Variants in SDE2 observed in about 807,000 individuals in gnomAD.
SDE2 encodes spliceosome associated SDE2.
A neutral mutation model predicts 46.9 loss-of-function variants in SDE2; 31 were observed. That is an observed-to-expected ratio of 0.66 (90% CI 0.50 to 0.89). The LOEUF (loss-of-function observed/expected upper bound fraction) is 0.89. Among genes scored for constraint, SDE2 ranks in the 40% least tolerant of loss-of-function variants. SDE2 has a pLI of 0.00. For missense variants in SDE2, 542 were observed against 564.4 expected (o/e 0.96, Z 0.40); for synonymous variants, 205 against 204.3 (o/e 1.00, Z -0.03).
At position 225,995,443 on chromosome 1, in the gene SDE2, A is replaced by G. The variant is rs192966673; in HGVS notation, c.121-60T>C. On this transcript the variant is annotated intron_variant, in intron 1 of 6. Coordinates refer to ENST00000272091, the MANE Select transcript of SDE2 (RefSeq NM_152608.4). ...GAGATAATAATCTAAGTTTGTTACAAGAAGGGACCTAGCTGTCTTTTTATT... is the reference window on the plus strand; with the variant it reads ...GAGATAATAATCTAAGTTTGTTACAGGAAGGGACCTAGCTGTCTTTTTATT... 96 of 854,782 alleles carry G rather than the reference A, an allele frequency of 1.1e-4. No individual in the cohort carries two copies. In the Admixed American group the frequency reaches 1.7e-3, roughly 15 times the overall value. 52.9% of individuals were successfully genotyped at this position (854,782 alleles called of 1,614,324 possible). A position where few individuals can be genotyped will look rare whatever the true frequency, so the allele number is the denominator to read the frequency against.
intron 5 of SDE2, among the ~76,000 whole-genome samples, chr1:225,990,365 G>A (rs1340093446): frequency 6.6e-6 from 1 of 152,148 alleles, no homozygotes; most frequent in South Asian, 2.1e-4. Flanking sequence ...GTGACCAATG[G>A]TTGCCAGGGT....
chr1:225,987,555 T>C (rs943087103), intron 6 of SDE2, among the ~76,000 whole-genome samples: 3 of 152,194 alleles, frequency 2.0e-5, no homozygotes, highest in African/African-American at 7.2e-5. Context: ...CCATCTATCA[T>C]AATATACCCT....
intron 6 of SDE2, among the ~76,000 whole-genome samples, chr1:225,986,573 T>C (rs1451402976): frequency 2.0e-5 from 3 of 152,220 alleles, no homozygotes; most frequent in African/African-American, 7.2e-5. Context: ...AAAATGCCAC[T>C]TATGTGTGTT....
chr1:225,988,177 G>A lies in SDE2; in HGVS notation c.853C>T (p.Pro285Ser). 1 of 1,614,130 alleles carries A rather than the reference G, an allele frequency of 6.2e-7. No homozygotes were observed. The highest frequency in any genetic ancestry group is 8.5e-7 in the Non-Finnish European group (1 of 1,180,030). The change falls in exon 6 of 7, where the codon CCG becomes TCG. Residue 285 changes from proline (P) to serine (S), a missense_variant. Pro to Ser is a moderately conservative substitution (Grantham distance 74). This residue lies in a region of SDE2 where 401 missense variants were observed against 437.8 expected (regional missense o/e 0.92). Coordinates refer to ENST00000272091, the MANE Select transcript of SDE2 (RefSeq NM_152608.4). ...ATATGCCTCCCAGAGTCAGTCACCG[G>A]GATCTGCAGTTGTTCTGGTGATCCA... ...DHGSPEQLQI[P>S]VTDSGRHILE... is the part of the protein sequence containing the mutation.
intron 5 of SDE2, among the ~76,000 whole-genome samples, chr1:225,990,770 C>A (rs774777703): frequency 2.0e-4 from 31 of 151,998 alleles, no homozygotes; most frequent in Non-Finnish European, 3.5e-4. Context: ...AACAAGAGGA[C>A]CAACTAGAGG....
chr1:225,996,769 A>G (rs1656537325), intron 1 of SDE2, among the ~76,000 whole-genome samples: 1 of 152,194 alleles, frequency 6.6e-6, no homozygotes. Flanking sequence ...GTTGAGGTGA[A>G]ATTTACATCA....
At chr1:225,991,927 A>G (rs1656409259) in intron 4 of SDE2, among the ~76,000 whole-genome samples, 1 of 152,232 alleles carries the variant, frequency 6.6e-6, no homozygotes. Flanking sequence ...AAATATGCCA[A>G]ATGTTGGCTG....
rs554873808 is a variant in SDE2, at chr1:225,984,150, G to C, written c.*1152C>G. 2.0e-5 allele frequency: 3 copies of C among 152,170 alleles called. No homozygotes were observed. The highest frequency in any genetic ancestry group is 7.2e-5 in the African/African-American group (3 of 41,410). 9.4% of individuals were successfully genotyped at this position (152,170 alleles called of 1,614,324 possible). ...TAATCCCAGCTACTGAGGAGGCTGA[G>C]GCAGGAGAATCGCTTGAACCCAGGA... On this transcript the variant is annotated 3_prime_UTR_variant, in exon 7 of 7. Coordinates refer to ENST00000272091, the MANE Select transcript of SDE2 (RefSeq NM_152608.4).
intron 1 of SDE2, 121 bp downstream of exon 1, chr1:225,999,072 G>A (rs1454915528): frequency 4.0e-6 from 3 of 750,652 alleles, no homozygotes; most frequent in Middle Eastern, 2.5e-4. Flanking sequence ...GGAACTCTCA[G>A]CCTCAACGAG....
At chr1:225,997,027 T>G (rs567755718) in intron 1 of SDE2, among the ~76,000 whole-genome samples, 1 of 152,224 alleles carries the variant, frequency 6.6e-6, no homozygotes, top group Non-Finnish European at 1.5e-5. Context: ...TTCTTATATA[T>G]TCTATGGTTT....
rs753786290 is a variant in SDE2 at position 225,991,274 on chromosome 1, C to T, written c.610G>A (p.Gly204Arg). 4 of 1,613,880 alleles carry T rather than the reference C, an allele frequency of 2.5e-6. No individual in the cohort carries two copies. The South Asian group carries it at 4.4e-5, about 18-fold the overall frequency. Residue 204 changes from glycine (G) to arginine (R), a missense_variant, in exon 5 of 7, where the codon GGA becomes AGA. Gly to Arg is a moderately radical substitution (Grantham distance 125). Around this residue, in one of 3 missense-constraint regions of SDE2, gnomAD observed 401 missense variants for 437.8 expected, o/e 0.92. Coordinates refer to ENST00000272091, the MANE Select transcript of SDE2 (RefSeq NM_152608.4). ...QWPTKSQTDR[G>R]ASAGKRRCFW... ...CATCTCCTCTTTCCCGCACTGGCTC[C>T]TCTGTCTGTTTGAGATTTAGTAGGC...
At chr1:225,985,763 CCAAA>C (rs778784555) in intron 6 of SDE2, among the ~76,000 whole-genome samples, 10 of 152,070 alleles carry the variant, frequency 6.6e-5, no homozygotes, top group African/African-American at 1.9e-4. Flanking sequence ...TATAGCATTC[CCAAA>C]CAGATTTTTA....
intron 4 of SDE2, 73 bp downstream of exon 4, chr1:225,992,325 C>A: frequency 9.7e-7 from 1 of 1,035,340 alleles, no homozygotes; most frequent in Non-Finnish European, 1.4e-6. Flanking sequence ...GCTCTTTGTG[C>A]GTAGTGTAGA....
At chr1:225,993,115 CTTTTTT>C in intron 2 of SDE2, 113 bp from the exon 3 acceptor site, 5 of 251,034 alleles carry the variant, frequency 2.0e-5, no homozygotes, top group South Asian at 6.6e-5. Context: ...TACTTTCTTT[CTTTTTT>C]TTTTTTTTTA....
chr1:225,992,455 C>A lies in SDE2; in HGVS notation c.463G>T (p.Asp155Tyr). 5 of 1,613,682 alleles carry A rather than the reference C, an allele frequency of 3.1e-6. No individual in the cohort carries two copies. The highest frequency in any genetic ancestry group is 3.4e-6 in the Non-Finnish European group (4 of 1,179,898). ...VEPKHCFTSP[D>Y]YQQQCHEMAE... Reference sequence around the variant, plus strand: ...ATCTCATGGCACTGCTGCTGGTAGTCGGGGCTGGTGAAGCAGTGCTTGGGT... The same window carrying A: ...ATCTCATGGCACTGCTGCTGGTAGTAGGGGCTGGTGAAGCAGTGCTTGGGT... Residue 155 changes from aspartate to tyrosine, a missense_variant, in exon 4 of 7, where the codon GAC becomes TAC. By Grantham distance (160) the Asp-to-Tyr change is radical. This residue lies in a region of SDE2 where 401 missense variants were observed against 437.8 expected (regional missense o/e 0.92). Coordinates refer to ENST00000272091, the MANE Select transcript of SDE2 (RefSeq NM_152608.4).
chr1:225,997,216 G>A (rs1214189453), intron 1 of SDE2, among the ~76,000 whole-genome samples: 2 of 152,084 alleles, frequency 1.3e-5, no homozygotes, highest in African/African-American at 4.8e-5. Flanking sequence ...TGTTATCCCA[G>A]CCTGATGAAA....
Position 225,983,651 on chromosome 1 carries a change from T to C in SDE2, c.*1651A>G, listed in dbSNP as rs1656205229. On this transcript the variant is annotated 3_prime_UTR_variant, in exon 7 of 7. Transcript: ENST00000272091. ...CTCAAATTACAGATTACAGCTGTAA[T>C]CTCAGCATGTAATCTCATGCTGGAT... The C allele has an allele frequency of 6.6e-6, 1 of 151,488 alleles. No homozygotes were observed. Among genetic ancestry groups the C allele is most frequent in the Non-Finnish European group, 1.5e-5 (1 of 67,580 alleles). The allele number at this position is 151,488 out of a possible 1,614,324, so 9.4% of individuals were successfully genotyped here.
Position 225,985,423 on chromosome 1 carries a change from C to T in SDE2, c.1235G>A (p.Gly412Glu). ...EKLKCELMAL[G>E]LKCGGTLQER... ...CTGCAGAGTGCCCCCACATTTCAGT[C>T]CAAGGGCCATCAGTTCACATTTGAG... The change falls in exon 7 of 7, where the codon GGA becomes GAA. Residue 412 changes from glycine (G) to glutamate (E), a missense_variant. Gly to Glu is a moderately conservative substitution (Grantham distance 98). This residue lies in a region of SDE2 where 401 missense variants were observed against 437.8 expected (regional missense o/e 0.92). Transcript: ENST00000272091. 6.2e-7 allele frequency: 1 copy of T among 1,614,136 alleles called. No individual in the cohort carries two copies. The highest frequency in any genetic ancestry group is 8.5e-7 in the Non-Finnish European group (1 of 1,179,988).
At chr1:225,990,620 C>T (rs1656377797) in intron 5 of SDE2, among the ~76,000 whole-genome samples, 1 of 152,022 alleles carries the variant, frequency 6.6e-6, no homozygotes, top group South Asian at 2.1e-4. Context: ...CTCTCAGGAA[C>T]ACTTAATTCC....
Sources: allele counts gnomAD v4.1 joint callset (sites outside exome capture counted in the v4.1 genomes callset), GRCh38; gene constraint gnomAD v4.1.1; regional missense constraint gnomAD v4.1.1; transcripts MANE v1.5; gene names NCBI Gene and HGNC (gene_info 2026-07-23, HGNC 2026-07-21).